Variants in SDCCAG8 observed in about 807,000 individuals in gnomAD.
SDCCAG8 encodes SHH signaling and ciliogenesis regulator SDCCAG8, also known as serologically defined colon cancer antigen 8.
A neutral mutation model predicts 101.8 loss-of-function variants in SDCCAG8; 74 were observed. That is an observed-to-expected ratio of 0.73 (90% CI 0.60 to 0.88). The LOEUF (loss-of-function observed/expected upper bound fraction) is 0.88, where lower values mean the gene tolerates loss of function less well. Among genes scored for constraint, SDCCAG8 ranks in the 40% least tolerant of loss-of-function variants. The probability of loss-of-function intolerance (pLI) is 0.00; values close to 1 mark genes in which losing one functional copy is unlikely to be tolerated. For synonymous variants in SDCCAG8, 281 were observed against 292.9 expected (o/e 0.96, Z 0.41); for missense variants, 787 against 822.6 (o/e 0.96, Z 0.53).
intron 12 of SDCCAG8, among the ~76,000 whole-genome samples, chr1:243,350,677 A>G (rs1054156461): frequency 2.6e-5 from 4 of 152,360 alleles, no homozygotes; most frequent in African/African-American, 7.2e-5. Context: ...TGAGTCTTCA[A>G]TATGGACAGA....
intron 16 of SDCCAG8, among the ~76,000 whole-genome samples, chr1:243,432,387 A>C (rs1347058856): frequency 6.6e-6 from 1 of 152,130 alleles, no homozygotes; most frequent in African/African-American, 2.4e-5. Context: ...TGAGGGGAGG[A>C]GGTGGAAGAA....
chr1:243,480,495 A>T (rs1364097162), intron 16 of SDCCAG8, among the ~76,000 whole-genome samples: 4 of 53,598 alleles, frequency 7.5e-5, no homozygotes, highest in Admixed American at 2.7e-4. Flanking sequence ...GATGGGTGGG[A>T]TGGATGGATG....
At chr1:243,313,859 C>T in intron 8 of SDCCAG8, among the ~76,000 whole-genome samples, 1 of 152,066 alleles carries the variant, frequency 6.6e-6, no homozygotes, top group East Asian at 1.9e-4. Context: ...TCGGCTGTTT[C>T]TGAAAGGCAG....
At chr1:243,484,830 G>T (rs1664454422) in intron 16 of SDCCAG8, among the ~76,000 whole-genome samples, 1 of 152,278 alleles carries the variant, frequency 6.6e-6, no homozygotes, top group Admixed American at 6.5e-5. Flanking sequence ...CAGATCACGA[G>T]GTCAGGAGTT....
chr1:243,360,209 G>A (rs1372599738), intron 12 of SDCCAG8, among the ~76,000 whole-genome samples: 1 of 144,546 alleles, frequency 6.9e-6, no homozygotes, highest in African/African-American at 2.6e-5. Flanking sequence ...GCAGTGGCGC[G>A]ATCTCAGCTC....
At position 243,446,989 on chromosome 1, in the gene SDCCAG8, C is replaced by T. The variant is rs548078539; in HGVS notation, c.1985+20431C>T. The stretch of plus-strand genomic sequence containing the variant: ...ATGCTTGGCCGGGCACGGTGTCTCA[C>T]GCCTGTAATCCCAGCACTTTGGGAG... On this transcript the variant is annotated intron_variant, in intron 16 of 17. Transcript: ENST00000366541. Among the ~76,000 whole-genome samples the T allele has an allele frequency of 8.5e-5, 13 of 152,260 alleles. No homozygotes were observed. The East Asian group carries it at 2.3e-3, about 27-fold the overall frequency.
At chr1:243,389,772 G>A (rs969873715) in intron 13 of SDCCAG8, among the ~76,000 whole-genome samples, 3 of 152,168 alleles carry the variant, frequency 2.0e-5, no homozygotes, top group East Asian at 1.9e-4. Context: ...CCGAGCCTCC[G>A]AAGGGGAAGC....
At chr1:243,354,977 A>C (rs1015691789) in intron 12 of SDCCAG8, among the ~76,000 whole-genome samples, 1 of 152,172 alleles carries the variant, frequency 6.6e-6, no homozygotes, top group Non-Finnish European at 1.5e-5. Context: ...TAGGCTGTTC[A>C]TGAGTGTTAG....
chr1:243,320,536 G>C lies in SDCCAG8; in HGVS notation c.1068+3643G>C, dbSNP rs1294482232. Among the ~76,000 whole-genome samples the C allele has an allele frequency of 2.0e-5, 3 of 152,078 alleles. No individual in the cohort carries two copies. The South Asian group carries it at 6.2e-4, about 32-fold the overall frequency. ...CCAGTACACTCAGCTATCGTCAAAG[G>C]CAGGAGGGCTTAGGGGGTGAACATG... On this transcript the variant is annotated intron_variant, in intron 9 of 17. Transcript: ENST00000366541.
intron 15 of SDCCAG8, among the ~76,000 whole-genome samples, chr1:243,425,397 G>T (rs1007744262): frequency 6.6e-6 from 1 of 152,070 alleles, no homozygotes; most frequent in African/African-American, 2.4e-5. Flanking sequence ...CTCCATACAC[G>T]TGAGCAGCCT....
At chr1:243,452,011 C>A (rs919280348) in intron 16 of SDCCAG8, among the ~76,000 whole-genome samples, 1 of 152,220 alleles carries the variant, frequency 6.6e-6, no homozygotes, top group Admixed American at 6.5e-5. Flanking sequence ...AGTTAAAAAA[C>A]CCTTCCATCA....
At chr1:243,438,822 T>C (rs1245016432) in intron 16 of SDCCAG8, among the ~76,000 whole-genome samples, 7 of 152,234 alleles carry the variant, frequency 4.6e-5, no homozygotes, top group Non-Finnish European at 8.8e-5. Flanking sequence ...TTGCAGTTTG[T>C]TTCTGATCTC....
chr1:243,481,883 C>A (rs560613257), intron 16 of SDCCAG8, among the ~76,000 whole-genome samples: 24 of 152,298 alleles, frequency 1.6e-4, no homozygotes, highest in Admixed American at 2.6e-4. Flanking sequence ...GCAAAAAACT[C>A]TCATTGAAAA....
At chr1:243,495,098 G>A (rs1235799972) in intron 17 of SDCCAG8, among the ~76,000 whole-genome samples, 1 of 152,206 alleles carries the variant, frequency 6.6e-6, no homozygotes, top group Non-Finnish European at 1.5e-5. Flanking sequence ...CAGGGGACTT[G>A]AGAAAGCTGG....
At chr1:243,438,189 G>T (rs1268122985) in intron 16 of SDCCAG8, among the ~76,000 whole-genome samples, 1 of 152,174 alleles carries the variant, frequency 6.6e-6, no homozygotes, top group African/African-American at 2.4e-5. Context: ...GAAGGCTGTG[G>T]AAAAGTGTTC....
intron 13 of SDCCAG8, among the ~76,000 whole-genome samples, chr1:243,388,981 C>T (rs929165335): frequency 4.0e-5 from 6 of 149,082 alleles, no homozygotes; most frequent in African/African-American, 1.0e-4. Context: ...TGGGAGGCTA[C>T]GTGGTGGTGC....
At chr1:243,480,769 T>G in intron 16 of SDCCAG8, among the ~76,000 whole-genome samples, 1 of 86,656 alleles carries the variant, frequency 1.2e-5, no homozygotes, top group Non-Finnish European at 2.2e-5. Flanking sequence ...GATGGATGGA[T>G]GGGTGGGATG....
intron 12 of SDCCAG8, among the ~76,000 whole-genome samples, chr1:243,349,606 G>A (rs1441945330): frequency 1.3e-5 from 2 of 152,014 alleles, no homozygotes; most frequent in African/African-American, 4.8e-5. Flanking sequence ...AGAGTATTTT[G>A]CAGTATAACA....
intron 12 of SDCCAG8, among the ~76,000 whole-genome samples, chr1:243,365,761 T>C (rs1317887781): frequency 6.6e-6 from 1 of 152,166 alleles, no homozygotes; most frequent in African/African-American, 2.4e-5. Flanking sequence ...TTGGAAATTG[T>C]GACTTTTGTA....
Sources: gnomAD v4.1 joint callset for allele counts (sites outside exome capture counted in the v4.1 genomes callset) on GRCh38, gnomAD v4.1.1 for gene constraint, MANE v1.5 for transcripts, NCBI Gene and HGNC (gene_info 2026-07-23, HGNC 2026-07-21) for gene names.